The following MACROH2A2 variants were observed in gnomAD, a reference collection of about 807,000 sequenced individuals.
MACROH2A2 encodes the protein core histone macro-H2A.2.
MACROH2A2 carries 6 observed loss-of-function variants against 37.6 expected under a neutral mutation model. The observed-to-expected ratio is 0.16, with a 90% CI of 0.09 to 0.32. The LOEUF (loss-of-function observed/expected upper bound fraction) is 0.32, where lower values mean the gene tolerates loss of function less well. Ranked by LOEUF, MACROH2A2 falls within the 10% of genes least tolerant of loss-of-function variation. The pLI is 1.00. For missense variants in MACROH2A2, 290 were observed against 485.9 expected (o/e 0.60, Z 3.79); for synonymous variants, 192 against 202.7 (o/e 0.95, Z 0.45).
At position 70,085,886 on chromosome 10, in the gene MACROH2A2, A is replaced by G. The variant is rs140036880; in HGVS notation, c.173-4174A>G. ...CAGGATTAATAAAATCCCCAAGATC[A>G]ATAAAGTCACTCAAGAATGTAACAA... On this transcript the variant is annotated intron_variant, in intron 2 of 8. Coordinates refer to ENST00000373255, the MANE Select transcript of MACROH2A2 (RefSeq NM_018649.3). 3.2e-3 allele frequency among the ~76,000 whole-genome samples: 492 copies of G among 152,372 alleles called. 4 individuals are homozygous for G. Among genetic ancestry groups the G allele is most frequent in the African/African-American group, 0.01 (432 of 41,590 alleles).
In MACROH2A2 at chr10:70,075,946, T is replaced by G; in HGVS notation, c.172+116T>G. 1.3e-6 allele frequency: 1 copy of G among 797,676 alleles called. No homozygotes were observed. Among genetic ancestry groups the G allele is most frequent in the Non-Finnish European group, 2.0e-6 (1 of 498,814 alleles). 49.4% of individuals were successfully genotyped at this position (797,676 alleles called of 1,614,324 possible). On this transcript the variant is annotated intron_variant, in intron 2 of 8. Transcript: ENST00000373255. The surrounding 1 kb of genome is among the most constrained non-coding windows in gnomAD (Gnocchi z 5.0). ...TGCCTTTTGGCTGGCTCAAGGCTAC[T>G]GTGGGTGGTGACAGGGTTGCAACTG... is the stretch of plus-strand genomic sequence containing the variant.
chr10:70,059,796 C>G (rs1330908560), intron 1 of MACROH2A2, among the ~76,000 whole-genome samples: 1 of 152,208 alleles, frequency 6.6e-6, no homozygotes, highest in African/African-American at 2.4e-5. Context: ...TTCCATTCTA[C>G]CACCTTGATG....
At chr10:70,106,497 C>T (rs2072338431) in intron 7 of MACROH2A2, among the ~76,000 whole-genome samples, 1 of 152,216 alleles carries the variant, frequency 6.6e-6, no homozygotes, top group East Asian at 1.9e-4. Flanking sequence ...CCAATAGGAA[C>T]ATATTCCTTT....
At chr10:70,111,362 A>AC (rs1330343674) in intron 8 of MACROH2A2, among the ~76,000 whole-genome samples, 156 bp from the exon 9 acceptor site, 1 of 151,966 alleles carries the variant, frequency 6.6e-6, no homozygotes, top group African/African-American at 2.4e-5. Flanking sequence ...CCCACCTGCC[A>AC]CCCCCAGGCT....
At chr10:70,096,882 C>T (rs926821243) in intron 6 of MACROH2A2, among the ~76,000 whole-genome samples, 2 of 152,128 alleles carry the variant, frequency 1.3e-5, no homozygotes, top group Non-Finnish European at 2.9e-5. Flanking sequence ...GAAAAGTCAG[C>T]ATTACAGAGA....
At chr10:70,101,017 A>G (rs1564547300) in intron 7 of MACROH2A2, among the ~76,000 whole-genome samples, 1 of 152,200 alleles carries the variant, frequency 6.6e-6, no homozygotes, top group Non-Finnish European at 1.5e-5. Flanking sequence ...ATATCACCTC[A>G]CACAGAAACC....
At chr10:70,063,113 A>G (rs1052587419) in intron 1 of MACROH2A2, among the ~76,000 whole-genome samples, 1 of 152,164 alleles carries the variant, frequency 6.6e-6, no homozygotes, top group African/African-American at 2.4e-5. Context: ...AAAAAAAATT[A>G]AAATGTGGAA....
chr10:70,053,127 G>T lies in MACROH2A2; in HGVS notation c.-60+127G>T, dbSNP rs925349592. The T allele has an allele frequency of 2.0e-5, 3 of 152,270 alleles. No individual in the cohort carries two copies. Among genetic ancestry groups the T allele is most frequent in the African/African-American group, 7.2e-5 (3 of 41,454 alleles). The allele number at this position is 152,270 out of a possible 1,614,324, so 9.4% of individuals were successfully genotyped here. A position where few individuals can be genotyped will look rare whatever the true frequency, so the allele number is the denominator to read the frequency against. ...GCCTCTCCCCCGAGCCCCTGCGGGC[G>T]CACCCTCGATAGCCGACCCACCCTC... On this transcript the variant is annotated intron_variant, in intron 1 of 8. Coordinates refer to ENST00000373255, the MANE Select transcript of MACROH2A2 (RefSeq NM_018649.3). The surrounding 1 kb of genome is among the most constrained non-coding windows in gnomAD (Gnocchi z 4.8).
intron 7 of MACROH2A2, among the ~76,000 whole-genome samples, chr10:70,104,531 TG>T: frequency 6.6e-6 from 1 of 152,152 alleles, no homozygotes; most frequent in South Asian, 2.1e-4. Context: ...AAAAATTAGC[TG>T]GGCGTGGTGG....
chr10:70,065,762 G>A (rs868452779), intron 1 of MACROH2A2, among the ~76,000 whole-genome samples: 3 of 152,026 alleles, frequency 2.0e-5, no homozygotes, highest in African/African-American at 7.2e-5. Context: ...ACAAAGAAAG[G>A]GGGTATTGGG....
At position 70,074,970 on chromosome 10, in the gene MACROH2A2, CTTAGTGT is replaced by C. The variant is rs1352736407; in HGVS notation, c.-59-626_-59-620del. Among the ~76,000 whole-genome samples the C allele has an allele frequency of 4.6e-5, 7 of 152,328 alleles. No homozygotes were observed. The East Asian group carries it at 1.3e-3, about 29-fold the overall frequency. ...TGTTGCTGGAACAAATTACCCCAAA[CTTAGTGT>C]TTAAAACAATACAAATTTATTTTCT... On this transcript the variant is annotated intron_variant, in intron 1 of 8. Transcript: ENST00000373255.
intron 1 of MACROH2A2, among the ~76,000 whole-genome samples, chr10:70,069,305 G>C (rs1198342860): frequency 6.6e-6 from 1 of 152,184 alleles, no homozygotes; most frequent in Non-Finnish European, 1.5e-5. Flanking sequence ...TCGGGGGAAC[G>C]AGCCAGGAGC....
At chr10:70,105,991 C>T (rs1386281108) in intron 7 of MACROH2A2, among the ~76,000 whole-genome samples, 1 of 152,172 alleles carries the variant, frequency 6.6e-6, no homozygotes, top group African/African-American at 2.4e-5. Flanking sequence ...GAGAGAAGAG[C>T]ACTGGGCCCA....
chr10:70,096,785 G>A (rs2072278923), intron 6 of MACROH2A2, among the ~76,000 whole-genome samples: 2 of 152,162 alleles, frequency 1.3e-5, no homozygotes, highest in Admixed American at 1.3e-4. Flanking sequence ...GTAGCACCAG[G>A]GGCCCCAGGC....
intron 7 of MACROH2A2, among the ~76,000 whole-genome samples, chr10:70,103,565 T>G (rs1589840827): frequency 6.6e-6 from 1 of 152,116 alleles, no homozygotes; most frequent in East Asian, 1.9e-4. Context: ...AAAGCATTAT[T>G]TAAGGAGATC....
chr10:70,111,482 C>G, intron 8 of MACROH2A2, 36 bp from the exon 9 acceptor site: 3 of 1,600,826 alleles, frequency 1.9e-6, no homozygotes, highest in Non-Finnish European at 2.6e-6. Context: ...TCCCAGGGAC[C>G]AAAATGACAT....
chr10:70,091,681 A>C, intron 3 of MACROH2A2, 76 bp from the exon 4 acceptor site: 1 of 1,076,180 alleles, frequency 9.3e-7, no homozygotes, highest in Non-Finnish European at 1.3e-6. Flanking sequence ...ATCAAAAAAA[A>C]AAAAAAAAAA....
rs118170558 is a variant in MACROH2A2 at position 70,076,969 on chromosome 10, C to T, written c.172+1139C>T. Among the ~76,000 whole-genome samples, 308 of 150,974 alleles carry T rather than the reference C, an allele frequency of 2.0e-3. 2 individuals carry two copies. The highest frequency in any genetic ancestry group is 3.6e-3 in the Non-Finnish European group (246 of 67,766). On this transcript the variant is annotated intron_variant, in intron 2 of 8. Transcript: ENST00000373255. ...AGGAAATGTCCTCCCCCGAGAGCTT[C>T]CACCAGGCAGACCTCTGCATCATGA... is the stretch of plus-strand genomic sequence containing the variant.
chr10:70,102,111 C>T (rs1259334530), intron 7 of MACROH2A2, among the ~76,000 whole-genome samples: 1 of 152,218 alleles, frequency 6.6e-6, no homozygotes, highest in Non-Finnish European at 1.5e-5. Flanking sequence ...ATAAAACCCA[C>T]CGCTGCCCTC....
Sources: gnomAD v4.1 joint callset for allele counts (sites outside exome capture counted in the v4.1 genomes callset) on GRCh38, gnomAD v4.1.1 for gene constraint, Gnocchi (gnomAD v3.1) non-coding constraint, MANE v1.5 for transcripts, NCBI Gene and HGNC (gene_info 2026-07-23, HGNC 2026-07-21) for gene names.